MROH1: variants seen among roughly 807,000 people sequenced by gnomAD.
The protein encoded by MROH1 is maestro heat like repeat family member 1.
MROH1 carries 117 observed loss-of-function variants against 116.5 expected under a neutral mutation model. The observed-to-expected ratio is 1.00, with a 90% CI of 0.86 to 1.17. The LOEUF (loss-of-function observed/expected upper bound fraction) is 1.17. Ranked by LOEUF, MROH1 falls within the 50% of genes most tolerant of loss-of-function variation. MROH1 has a pLI of 0.00. For missense variants in MROH1, 1,873 were observed against 1,338.5 expected (o/e 1.40, Z -6.23); for synonymous variants, 921 against 583.9 (o/e 1.58, Z -8.32).
chr8:144,198,400 C>T (rs942408086), intron 10 of MROH1, among the ~76,000 whole-genome samples: 7 of 152,160 alleles, frequency 4.6e-5, no homozygotes, highest in African/African-American at 1.7e-4. Context: ...CATCTGCCAG[C>T]ATCCTTAGTT....
chr8:144,150,929 A>G (rs989601652), intron 1 of MROH1, among the ~76,000 whole-genome samples: 32 of 152,272 alleles, frequency 2.1e-4, no homozygotes, highest in Non-Finnish European at 3.7e-4. Flanking sequence ...CTGGCCTGCC[A>G]TACATAGCTC....
At position 144,261,096 on chromosome 8, in the gene MROH1, G is replaced by C. The variant is rs1430112179; in HGVS notation, c.4672-18G>C. On this transcript the variant is annotated intron_variant, in intron 41 of 43. Transcript: ENST00000326134. Reference sequence around the variant, plus strand: ...GGGTGGGGCGGGGCCAGGCGGCACTGACCAGGCCTCTCCCCAGATGCACCA... The same window carrying C: ...GGGTGGGGCGGGGCCAGGCGGCACTCACCAGGCCTCTCCCCAGATGCACCA... 3.9e-6 allele frequency: 3 copies of C among 775,424 alleles called. No individual in the cohort carries two copies. The African/African-American group carries it at 5.1e-5, about 13-fold the overall frequency. The allele number at this position is 775,424 out of a possible 1,614,324, so 48.0% of individuals were successfully genotyped here.
intron 4 of MROH1, chr8:144,174,724 C>T (rs1247562072): frequency 2.2e-6 from 1 of 449,560 alleles, no homozygotes; most frequent in African/African-American, 2.1e-5. Context: ...CCCAAGTGAT[C>T]CTCCCACCTT....
Position 144,243,878 on chromosome 8 carries a change from G to T in MROH1, c.2491G>T (p.Glu831Ter). ...CCTCACCCAGGAGTTCATCAGGGCA[G>T]AGCCCCCGGACTCCTTGAGGACACC... ...VAQMMEFIRA[E>*]PPDSLRTPIR... is the part of the protein sequence containing the mutation. Residue 831 changes from glutamate to a stop codon, truncating the protein, a stop_gained, in exon 26 of 44, where the codon GAG (glutamate) becomes TAG (stop). Coordinates refer to ENST00000326134, the MANE Select transcript of MROH1 (RefSeq NM_032450.3). LOFTEE classifies it high-confidence loss of function. The T allele has an allele frequency of 1.3e-6, 1 of 780,134 alleles. No homozygotes were observed. Among genetic ancestry groups the T allele is most frequent in the Non-Finnish European group, 2.4e-6 (1 of 417,620 alleles). 48.3% of individuals were successfully genotyped at this position (780,134 alleles called of 1,614,324 possible). A position where few individuals can be genotyped will look rare whatever the true frequency, so the allele number is the denominator to read the frequency against.
chr8:144,247,119 C>A (rs1338223938), intron 29 of MROH1, among the ~76,000 whole-genome samples, 182 bp from the exon 30 acceptor site: 1 of 152,138 alleles, frequency 6.6e-6, no homozygotes, highest in Non-Finnish European at 1.5e-5. Context: ...GCAGCGCCCA[C>A]GCTGCAGCAG....
At chr8:144,237,157 G>A (rs1446564627) in intron 14 of MROH1, among the ~76,000 whole-genome samples, 12 of 151,420 alleles carry the variant, frequency 7.9e-5, no homozygotes, top group South Asian at 6.3e-4. Flanking sequence ...CGCTCAACTC[G>A]GCCTCCGAAA....
intron 31 of MROH1, among the ~76,000 whole-genome samples, chr8:144,248,644 C>G (rs970876649): frequency 6.6e-5 from 10 of 152,230 alleles, no homozygotes; most frequent in African/African-American, 2.2e-4. Context: ...TGCCCAGGCA[C>G]CACCTTCCAG....
At chr8:144,193,265 G>T (rs1158642418) in intron 10 of MROH1, 1 of 152,338 alleles carries the variant, frequency 6.6e-6, no homozygotes, top group Non-Finnish European at 1.5e-5. Flanking sequence ...GTCAACATTG[G>T]TACGAAAAGC....
At chr8:144,155,018 A>T (rs1299021113) in intron 1 of MROH1, among the ~76,000 whole-genome samples, 1 of 152,124 alleles carries the variant, frequency 6.6e-6, no homozygotes, top group Non-Finnish European at 1.5e-5. Context: ...GGGTTTCACC[A>T]TGCTAGCCAG....
At chr8:144,261,582 G>A in intron 43 of MROH1, 73 bp from the exon 44 acceptor site, 1 of 700,642 alleles carries the variant, frequency 1.4e-6, no homozygotes, top group Non-Finnish European at 2.6e-6. Context: ...GCTGTCAGGA[G>A]AGCGTGGCCC....
chr8:144,250,521 A>G, intron 33 of MROH1, 155 bp downstream of exon 33: 1 of 693,246 alleles, frequency 1.4e-6, no homozygotes, highest in Non-Finnish European at 2.6e-6. Context: ...ACATGGAGCC[A>G]GGCCCCAGTC....
At chr8:144,157,989 CT>C (rs1157662078) in intron 1 of MROH1, among the ~76,000 whole-genome samples, 3,449 of 88,878 alleles carry the variant, frequency 0.039, 134 homozygotes, top group African/African-American at 0.14. Flanking sequence ...CTATTTCTTT[CT>C]TTTTTTTTTT....
intron 11 of MROH1, among the ~76,000 whole-genome samples, chr8:144,199,511 A>G (rs891285846): frequency 1.3e-5 from 2 of 151,576 alleles, no homozygotes; most frequent in Non-Finnish European, 1.5e-5. Flanking sequence ...TCCACACCCA[A>G]TCTCTGGCTC....
chr8:144,168,814 C>T (rs1821676903), intron 4 of MROH1, among the ~76,000 whole-genome samples: 1 of 152,210 alleles, frequency 6.6e-6, no homozygotes, highest in Non-Finnish European at 1.5e-5. Context: ...ACCCAAGGGG[C>T]CAGAAACACT....
chr8:144,163,859 G>A lies in MROH1; in HGVS notation c.22+11G>A. 6.2e-7 allele frequency: 1 copy of A among 1,613,624 alleles called. No individual in the cohort carries two copies. The highest frequency in any genetic ancestry group is 8.5e-7 in the Non-Finnish European group (1 of 1,179,712). On this transcript the variant is annotated intron_variant, in intron 3 of 43. Transcript: ENST00000326134. The surrounding 1 kb of genome is among the most constrained non-coding windows in gnomAD (Gnocchi z 4.4). ...AGTCCTCCATGAAGAGTGAGTGCAT[G>A]GGGATTGGGAGTGGCCGGGTGTGAG... is the stretch of plus-strand genomic sequence containing the variant.
chr8:144,182,424 G>T lies in MROH1; in HGVS notation c.562+1901G>T, dbSNP rs779549258. Among the ~76,000 whole-genome samples the T allele has an allele frequency of 1.3e-5, 2 of 152,222 alleles. No homozygotes were observed. The highest frequency in any genetic ancestry group is 2.9e-5 in the Non-Finnish European group (2 of 68,040). ...GAAACAGACACTAATTGGAGATGTA[G>T]ATGGTTCAGGGAGAAGAAAATAACA... On this transcript the variant is annotated intron_variant, in intron 7 of 43. Coordinates refer to ENST00000326134, the MANE Select transcript of MROH1 (RefSeq NM_032450.3). The surrounding 1 kb of genome is among the most constrained non-coding windows in gnomAD (Gnocchi z 4.1).
intron 3 of MROH1, 77 bp from the exon 4 acceptor site, chr8:144,168,218 C>T: frequency 6.8e-7 from 1 of 1,463,606 alleles, no homozygotes; most frequent in Non-Finnish European, 9.1e-7. Flanking sequence ...GGTGTGTCCA[C>T]TGCAGGAGTG....
At position 144,163,957 on chromosome 8, in the gene MROH1, C is replaced by T; in HGVS notation, c.22+109C>T. The T allele has an allele frequency of 1.6e-6, 2 of 1,213,118 alleles. No homozygotes were observed. The highest frequency in any genetic ancestry group is 2.3e-6 in the Non-Finnish European group (2 of 851,942). The allele number at this position is 1,213,118 out of a possible 1,614,324, so 75.1% of individuals were successfully genotyped here. ...CTCCAATGGTGCCTAGAGTTTCCAC[C>T]CTATACTCGGGAGCCTGAGTGGGTT... On this transcript the variant is annotated intron_variant, in intron 3 of 43. Transcript: ENST00000326134. This position sits in a 1 kb window ranked among gnomAD's most constrained non-coding sequence, Gnocchi z 4.4.
rs1370386714 is a variant in MROH1 at position 144,245,187 on chromosome 8, G to A, written c.2798G>A (p.Gly933Asp). The A allele has an allele frequency of 6.4e-6, 5 of 779,170 alleles. No homozygotes were observed. The highest frequency in any genetic ancestry group is 1.2e-5 in the Non-Finnish European group (5 of 417,794). The allele number at this position is 779,170 out of a possible 1,614,324, so 48.3% of individuals were successfully genotyped here. ...AGCCCATGGATCAAGTCCCCAAGAG[G>A]TCACGAGCGGGCGCGGGCCCTGGGC... ...HLSPWIKSPRGHERARALGLS... is the reference protein window; with the variant it reads ...HLSPWIKSPRDHERARALGLS... Residue 933 changes from glycine to aspartate, a missense_variant, in exon 29 of 44, where the codon GGT (glycine) becomes GAT (aspartate). By Grantham distance (94) the Gly-to-Asp change is moderately conservative. Coordinates refer to ENST00000326134, the MANE Select transcript of MROH1 (RefSeq NM_032450.3).
Sources: allele counts gnomAD v4.1 joint callset (sites outside exome capture counted in the v4.1 genomes callset), GRCh38; gene constraint gnomAD v4.1.1; non-coding constraint Gnocchi (gnomAD v3.1); transcripts MANE v1.5; gene names NCBI Gene and HGNC (gene_info 2026-07-23, HGNC 2026-07-21).